Variants in TNIP1 observed in about 807,000 individuals in gnomAD.
TNIP1 encodes the protein TNFAIP3 interacting protein 1.
Under a neutral mutation model 86.6 loss-of-function variants are expected in TNIP1, and 22 were observed. The observed-to-expected ratio is 0.25, with a 90% CI of 0.18 to 0.36. The LOEUF (loss-of-function observed/expected upper bound fraction) is 0.36, where lower values mean the gene tolerates loss of function less well. Ranked by LOEUF, TNIP1 falls within the 10% of genes least tolerant of loss-of-function variation. The pLI is 1.00. For synonymous variants in TNIP1, 294 were observed against 313.0 expected, an observed-to-expected ratio of 0.94 and a Z score of 0.64; for missense variants, 709 against 820.6, an observed-to-expected ratio of 0.86 and a Z score of 1.66.
intron 4 of TNIP1, among the ~76,000 whole-genome samples, chr5:151,061,111 G>A (rs1761509962): frequency 6.6e-6 from 1 of 152,226 alleles, no homozygotes; most frequent in South Asian, 2.1e-4. Flanking sequence ...GTCATTCCTA[G>A]TAGAATTACT....
chr5:151,064,222 C>T (rs72790119), intron 2 of TNIP1, among the ~76,000 whole-genome samples: 5,144 of 152,308 alleles, frequency 0.034, 133 homozygotes, highest in Non-Finnish European at 0.057. Flanking sequence ...AACCACTCCT[C>T]CCTCCCCAGT....
intron 8 of TNIP1, among the ~76,000 whole-genome samples, chr5:151,047,048 G>A (rs1372860560): frequency 2.0e-5 from 3 of 152,090 alleles, no homozygotes; most frequent in African/African-American, 7.3e-5. Context: ...TATTTGCATA[G>A]TCTCTAAGTT....
chr5:151,063,405 T>C (rs1186027580), intron 3 of TNIP1, among the ~76,000 whole-genome samples: 1 of 152,232 alleles, frequency 6.6e-6, no homozygotes, highest in Non-Finnish European at 1.5e-5. Context: ...GCTGAGTCAC[T>C]GGCTATTTTT....
chr5:151,078,411 G>A (rs1763635135), intron 1 of TNIP1: 1 of 152,182 alleles, frequency 6.6e-6, no homozygotes, highest in Non-Finnish European at 1.5e-5. Context: ...CACTCGAGAG[G>A]ACTAAGGAGG....
In TNIP1 at chr5:151,045,857, C is replaced by T; in HGVS notation, c.936+4G>A. 1 of 1,613,874 alleles carries T rather than the reference C, an allele frequency of 6.2e-7. No individual in the cohort carries two copies. Among genetic ancestry groups the T allele is most frequent in the Non-Finnish European group, 8.5e-7 (1 of 1,180,002 alleles). ...CTCCCACTACTGCCACCTCGGCCACCTACCTCACTGCGCTGCTGCTCCAGC... is the reference window on the plus strand; with the variant it reads ...CTCCCACTACTGCCACCTCGGCCACTTACCTCACTGCGCTGCTGCTCCAGC... On this transcript the variant is annotated splice_donor_region_variant and intron_variant, in intron 9 of 17. Coordinates refer to ENST00000521591, the MANE Select transcript of TNIP1 (RefSeq NM_006058.5).
chr5:151,073,633 C>T (rs1469616991), intron 1 of TNIP1, among the ~76,000 whole-genome samples: 1 of 142,120 alleles, frequency 7.0e-6, no homozygotes, highest in Non-Finnish European at 1.5e-5. Flanking sequence ...TAGAAAAAGG[C>T]CTGGAAGCCC....
upstream of TNIP1, chr5:151,087,554 G>T (rs1209075359): frequency 1.3e-5 from 2 of 152,280 alleles, no homozygotes; most frequent in Non-Finnish European, 2.9e-5. Flanking sequence ...ACTGCCAGAT[G>T]CCCAGCCCAC....
intron 5 of TNIP1, among the ~76,000 whole-genome samples, chr5:151,058,922 T>G (rs1761025878): frequency 6.6e-6 from 1 of 152,202 alleles, no homozygotes; most frequent in African/African-American, 2.4e-5. Context: ...AACCCCAACT[T>G]GGCATTCCCT....
At chr5:151,050,046 C>A (rs542916738) in intron 7 of TNIP1, 99 bp from the exon 8 acceptor site, 908 of 1,564,944 alleles carry the variant, frequency 5.8e-4, no homozygotes, top group Non-Finnish European at 7.1e-4. Flanking sequence ...GCAGCTGAGC[C>A]CCAGGGAGTA....
chr5:151,045,254 A>C (rs1263829141), intron 9 of TNIP1, among the ~76,000 whole-genome samples: 1 of 151,818 alleles, frequency 6.6e-6, no homozygotes, highest in African/African-American at 2.4e-5. Flanking sequence ...CATGCCCGCT[A>C]ATTTTTTGTA....
At chr5:151,037,956 A>G (rs1463504764) in intron 12 of TNIP1, among the ~76,000 whole-genome samples, 2 of 152,166 alleles carry the variant, frequency 1.3e-5, no homozygotes, top group African/African-American at 4.8e-5. Context: ...CGACAGGGAG[A>G]TGCCTAGGTC....
rs755367457 is a variant in TNIP1 at position 151,056,815 on chromosome 5, C to A, written c.578G>T (p.Arg193Leu). The change falls in exon 6 of 18, where the codon CGA (arginine) becomes CTA (leucine). Residue 193 changes from arginine (R) to leucine (L), a missense_variant. Transcript: ENST00000521591. ...HLGRMALEFN[R>L]LASKVHKNEQ... Reference sequence around the variant, plus strand: ...ATTCTTGTGCACCTTGGATGCCAGTCGGTTGAACTCCAGGGCCATGCGGCC... The same window carrying A: ...ATTCTTGTGCACCTTGGATGCCAGTAGGTTGAACTCCAGGGCCATGCGGCC... 1 of 1,579,804 alleles carries A rather than the reference C, an allele frequency of 6.3e-7. No individual in the cohort carries two copies. Among genetic ancestry groups the A allele is most frequent in the Non-Finnish European group, 8.6e-7 (1 of 1,162,806 alleles).
At chr5:151,086,930 G>C (rs908769743) in intron 1 of TNIP1, among the ~76,000 whole-genome samples, 10 of 152,232 alleles carry the variant, frequency 6.6e-5, no homozygotes, top group African/African-American at 2.4e-4. Flanking sequence ...GGTGGGAAGA[G>C]CAAGCTAGGC....
chr5:151,057,105 G>T (rs1216132429), intron 5 of TNIP1, 148 bp from the exon 6 acceptor site: 2 of 908,102 alleles, frequency 2.2e-6, no homozygotes, highest in Non-Finnish European at 3.0e-6. Context: ...AGTTATGCAG[G>T]TTCCCTGTCT....
At chr5:151,069,870 C>A (rs1762643582) in intron 1 of TNIP1, among the ~76,000 whole-genome samples, 1 of 152,186 alleles carries the variant, frequency 6.6e-6, no homozygotes, top group Non-Finnish European at 1.5e-5. Context: ...TAAAGCTGGC[C>A]TCAGGATCAA....
chr5:151,030,467 C>G lies in TNIP1; in HGVS notation c.*246G>C, dbSNP rs1302872437. On this transcript the variant is annotated 3_prime_UTR_variant, in exon 18 of 18. Coordinates refer to ENST00000521591, the MANE Select transcript of TNIP1 (RefSeq NM_006058.5). ...AAGCCGGATGAGGCCTCTCTCCACT[C>G]AGCAGCAGGGAAGGAGTTTTTCCCA... The G allele has an allele frequency of 3.4e-6, 2 of 591,230 alleles. No individual in the cohort carries two copies. Among genetic ancestry groups the G allele is most frequent in the African/African-American group, 3.7e-5 (2 of 53,398 alleles). The allele number at this position is 591,230 out of a possible 1,614,324, so 36.6% of individuals were successfully genotyped here. A position where few individuals can be genotyped will look rare whatever the true frequency, so the allele number is the denominator to read the frequency against.
intron 2 of TNIP1, among the ~76,000 whole-genome samples, chr5:151,064,042 T>C (rs187078597): frequency 4.6e-5 from 7 of 152,140 alleles, no homozygotes; most frequent in Admixed American, 3.9e-4. Flanking sequence ...CCCCACTCCC[T>C]TCACACCCAG....
intron 1 of TNIP1, among the ~76,000 whole-genome samples, chr5:151,069,893 C>A (rs1401837750): frequency 5.9e-5 from 9 of 152,184 alleles, no homozygotes; most frequent in Admixed American, 2.0e-4. Context: ...AGACCCAAGT[C>A]TCAGGAGCTA....
intron 1 of TNIP1, among the ~76,000 whole-genome samples, chr5:151,066,526 C>T (rs563401160): frequency 1.7e-4 from 26 of 152,302 alleles, no homozygotes; most frequent in Admixed American, 9.1e-4. Context: ...CAGGTGACTA[C>T]GACCATACCA....
Sources: gnomAD v4.1 joint callset for allele counts (sites outside exome capture counted in the v4.1 genomes callset) on GRCh38, gnomAD v4.1.1 for gene constraint, MANE v1.5 for transcripts, NCBI Gene and HGNC (gene_info 2026-07-23, HGNC 2026-07-21) for gene names.